Variants in CRLF3 observed in about 807,000 individuals in gnomAD.
CRLF3 encodes the protein cytokine receptor-like factor 3.
A neutral mutation model predicts 55.0 loss-of-function variants in CRLF3; 33 were observed. The observed-to-expected ratio is 0.60, with a 90% confidence interval of 0.46 to 0.80. The LOEUF is 0.80. Ranked by LOEUF, CRLF3 falls within the 30% of genes least tolerant of loss-of-function variation. The pLI, the probability that CRLF3 is intolerant of heterozygous loss-of-function variation, is 0.00. For missense variants in CRLF3, 494 were observed against 538.4 expected, an observed-to-expected ratio of 0.92 and a Z score of 0.82; for synonymous variants, 238 against 196.8, an observed-to-expected ratio of 1.21 and a Z score of -1.75.
chr17:30,785,282 G>A (rs1971614607), intron 7 of CRLF3: 1 of 151,406 alleles, frequency 6.6e-6, no homozygotes, highest in Admixed American at 6.6e-5. Flanking sequence ...TCACTATGTT[G>A]GCCGGGCTGG....
chr17:30,792,198 AAAG>A (rs1200997140), intron 6 of CRLF3, among the ~76,000 whole-genome samples: 1 of 152,096 alleles, frequency 6.6e-6, no homozygotes, highest in African/African-American at 2.4e-5. Flanking sequence ...ACCAAGAGGA[AAAG>A]AGATATAAAC....
chr17:30,797,503 C>T (rs1971936450), intron 2 of CRLF3, 105 bp from the exon 3 acceptor site: 1 of 836,312 alleles, frequency 1.2e-6, no homozygotes, highest in Non-Finnish European at 2.0e-6. Flanking sequence ...CAAATAAGTT[C>T]TTAAGTGATG....
chr17:30,808,889 G>C (rs919327455), intron 1 of CRLF3, among the ~76,000 whole-genome samples: 1 of 152,110 alleles, frequency 6.6e-6, no homozygotes, highest in Non-Finnish European at 1.5e-5. Context: ...CACCGCACCC[G>C]GCCAAATCTG....
chr17:30,806,995 C>A (rs947644062), intron 1 of CRLF3, among the ~76,000 whole-genome samples: 1 of 151,956 alleles, frequency 6.6e-6, no homozygotes, highest in Non-Finnish European at 1.5e-5. Flanking sequence ...TGCCTGTAAT[C>A]CCAGCACTTT....
chr17:30,811,828 A>AAAAAG, intron 1 of CRLF3, among the ~76,000 whole-genome samples: 3 of 140,020 alleles, frequency 2.1e-5, no homozygotes, highest in Non-Finnish European at 4.7e-5. Context: ...AAAAAAAAAA[A>AAAAAG]GGCCAGGTGC....
intron 6 of CRLF3, among the ~76,000 whole-genome samples, chr17:30,791,183 GC>G (rs1971791709): frequency 6.6e-6 from 1 of 151,790 alleles, no homozygotes; most frequent in Admixed American, 6.6e-5. Flanking sequence ...TGATTCTCCT[GC>G]CTCACTCTCC....
Position 30,785,911 on chromosome 17 carries a change from T to C in CRLF3, c.1072+8A>G. The C allele has an allele frequency of 1.4e-6, 2 of 1,430,880 alleles. No individual in the cohort carries two copies. Among genetic ancestry groups the C allele is most frequent in the Non-Finnish European group, 2.0e-6 (2 of 1,019,248 alleles). The allele number at this position is 1,430,880 out of a possible 1,614,324, so 88.6% of individuals were successfully genotyped here. Reference sequence around the variant, plus strand: ...TTTCCAAGAGAATGACAGTTATTTATCTCTTACCATTTGTACTAATGCACA... The same window carrying C: ...TTTCCAAGAGAATGACAGTTATTTACCTCTTACCATTTGTACTAATGCACA... On this transcript the variant is annotated splice_region_variant and intron_variant, in intron 7 of 7. Transcript: ENST00000324238.
intron 1 of CRLF3, among the ~76,000 whole-genome samples, chr17:30,820,183 C>G (rs1486297151): frequency 6.6e-6 from 1 of 152,114 alleles, no homozygotes; most frequent in East Asian, 1.9e-4. Flanking sequence ...ACAGACAATC[C>G]TTGCATTCCT....
Position 30,803,174 on chromosome 17 carries a change from A to AT in CRLF3, c.337+726_337+727insA, listed in dbSNP as rs112483503. 5.0e-3 allele frequency among the ~76,000 whole-genome samples: 748 copies of AT among 149,920 alleles called. 3 individuals carry two copies. The highest frequency in any genetic ancestry group is 0.015 in the South Asian group (69 of 4,714). On this transcript the variant is annotated intron_variant, in intron 2 of 7. Coordinates refer to ENST00000324238, the MANE Select transcript of CRLF3 (RefSeq NM_015986.4). Reference sequence around the variant, plus strand: ...AGCAAAACCCCTGTGTCAAAAAAAAAATATATATATATATATAATTTGATT... The same window carrying AT: ...AGCAAAACCCCTGTGTCAAAAAAAAATATATATATATATATATAATTTGATT...
intron 6 of CRLF3, among the ~76,000 whole-genome samples, chr17:30,791,945 C>T (rs1188313641): frequency 1.3e-5 from 2 of 152,142 alleles, no homozygotes; most frequent in Non-Finnish European, 2.9e-5. Flanking sequence ...CTCTTGGGTT[C>T]AAGCAATTCT....
At chr17:30,810,616 A>G (rs1904582835) in intron 1 of CRLF3, among the ~76,000 whole-genome samples, 1 of 152,124 alleles carries the variant, frequency 6.6e-6, no homozygotes, top group Non-Finnish European at 1.5e-5. Context: ...TTTCCACTAC[A>G]GCTGAATATA....
chr17:30,784,031 T>G lies in CRLF3; in HGVS notation c.*156A>C, dbSNP rs1205748590. The G allele has an allele frequency of 3.1e-6, 2 of 647,876 alleles. No individual in the cohort carries two copies. Among genetic ancestry groups the G allele is most frequent in the Non-Finnish European group, 2.6e-6 (1 of 381,842 alleles). The allele number at this position is 647,876 out of a possible 1,614,324, so 40.1% of individuals were successfully genotyped here. On this transcript the variant is annotated 3_prime_UTR_variant, in exon 8 of 8. Transcript: ENST00000324238. The stretch of plus-strand genomic sequence containing the variant: ...TGATTTTGTCCACAACATTGAAGTC[T>G]CTTTTTGCTAAAATATTACAAAATG...
At chr17:30,791,605 C>T (rs955955603) in intron 6 of CRLF3, among the ~76,000 whole-genome samples, 3 of 151,016 alleles carry the variant, frequency 2.0e-5, no homozygotes, top group African/African-American at 7.3e-5. Flanking sequence ...GCAAGCTCCG[C>T]CTCCCGGGTT....
chr17:30,785,392 A>G lies in CRLF3; in HGVS notation c.1072+527T>C, dbSNP rs1307289086. Among the ~76,000 whole-genome samples the G allele has an allele frequency of 2.0e-5, 3 of 151,918 alleles. No homozygotes were observed. The East Asian group carries it at 5.8e-4, about 30-fold the overall frequency. On this transcript the variant is annotated intron_variant, in intron 7 of 7. Coordinates refer to ENST00000324238, the MANE Select transcript of CRLF3 (RefSeq NM_015986.4). The stretch of plus-strand genomic sequence containing the variant: ...GCCCGGCCTCTGGCTAGCGATTTTT[A>G]AAGAGCACTAGGGATGTAGACTGAA...
At chr17:30,821,544 T>C (rs1053385412) in intron 1 of CRLF3, among the ~76,000 whole-genome samples, 1 of 152,172 alleles carries the variant, frequency 6.6e-6, no homozygotes, top group Non-Finnish European at 1.5e-5. Context: ...TGTCCATTAA[T>C]TGATGAATGG....
chr17:30,810,393 C>T (rs1431133726), intron 1 of CRLF3, among the ~76,000 whole-genome samples: 2 of 151,930 alleles, frequency 1.3e-5, no homozygotes, highest in Non-Finnish European at 2.9e-5. Flanking sequence ...TGGTGAAACC[C>T]CGTCTCTACT....
chr17:30,791,827 T>G (rs1486109342), intron 6 of CRLF3, among the ~76,000 whole-genome samples: 1 of 151,678 alleles, frequency 6.6e-6, no homozygotes, highest in Non-Finnish European at 1.5e-5. Flanking sequence ...GGCCTCTAAA[T>G]TTTTAAGATT....
rs761429828 is a variant in CRLF3, at chr17:30,783,992, TTGAC to T, written c.*191_*194del. 523 of 534,334 alleles carry T rather than the reference TTGAC, an allele frequency of 9.8e-4. 2 individuals carry two copies. The highest frequency in any genetic ancestry group is 1.3e-3 in the Non-Finnish European group (401 of 303,892). The allele number at this position is 534,334 out of a possible 1,614,324, so 33.1% of individuals were successfully genotyped here. A position where few individuals can be genotyped will look rare whatever the true frequency, so the allele number is the denominator to read the frequency against. ...ATTTAACAGTATGCTAAAAATAAAATTGACTGAATTGTATGATTTTGTCCACAAC... is the reference window on the plus strand; with the variant it reads ...ATTTAACAGTATGCTAAAAATAAAATTGAATTGTATGATTTTGTCCACAAC... On this transcript the variant is annotated 3_prime_UTR_variant, in exon 8 of 8. Transcript: ENST00000324238.
At chr17:30,805,077 C>A (rs1192258967) in intron 1 of CRLF3, among the ~76,000 whole-genome samples, 1 of 151,702 alleles carries the variant, frequency 6.6e-6, no homozygotes, top group Non-Finnish European at 1.5e-5. Context: ...CAGCTACTTG[C>A]GAGGCTGAGG....
Sources: allele counts gnomAD v4.1 joint callset (sites outside exome capture counted in the v4.1 genomes callset), GRCh38; gene constraint gnomAD v4.1.1; transcripts MANE v1.5; gene names NCBI Gene and HGNC (gene_info 2026-07-23, HGNC 2026-07-21).